STT3A: variants seen among roughly 807,000 people sequenced by gnomAD.
The protein encoded by STT3A is dolichyl-diphosphooligosaccharide--protein glycosyltransferase subunit STT3A.
STT3A carries 34 observed loss-of-function variants against 89.2 expected under a neutral mutation model. The observed-to-expected ratio is 0.38, with a 90% CI of 0.29 to 0.51. The LOEUF is 0.51. Among genes scored for constraint, STT3A ranks in the 20% least tolerant of loss-of-function variants. STT3A has a pLI of 0.89. For synonymous variants in STT3A, 282 were observed against 310.3 expected (o/e 0.91, Z 0.96); for missense variants, 555 against 889.5 (o/e 0.62, Z 4.78).
At chr11:125,592,727 G>A, upstream of STT3A, 1 of 298,290 alleles carries the variant, frequency 3.4e-6, no homozygotes, top group South Asian at 2.6e-5. Context: ...AACTTGAATC[G>A]CGGCCCGGTT....
chr11:125,604,563 TTGACTTATTCTCAATTCAACA>T (rs761633095), intron 6 of STT3A, among the ~76,000 whole-genome samples: 4 of 152,246 alleles, frequency 2.6e-5, no homozygotes, highest in Non-Finnish European at 5.9e-5. Context: ...TAATGACTGA[TTGACTTATTCTCAATTCAACA>T]TACATTTGTT....
intron 1 of STT3A, among the ~76,000 whole-genome samples, chr11:125,595,518 T>G (rs1402314954): frequency 1.3e-5 from 2 of 152,100 alleles, no homozygotes; most frequent in Non-Finnish European, 2.9e-5. Flanking sequence ...GTGCTCTCTT[T>G]CTCCATTTTA....
At chr11:125,615,364 A>C (rs958614421) in intron 15 of STT3A, among the ~76,000 whole-genome samples, 1 of 152,214 alleles carries the variant, frequency 6.6e-6, no homozygotes, top group African/African-American at 2.4e-5. Context: ...AGAAGCAATG[A>C]TTCCTGCAGC....
intron 15 of STT3A, among the ~76,000 whole-genome samples, chr11:125,615,192 G>A (rs1303605851): frequency 3.3e-5 from 5 of 152,188 alleles, no homozygotes; most frequent in East Asian, 1.9e-4. Context: ...GCTTGAACTC[G>A]GGAGGGAGAG....
rs1939895857 is a variant in STT3A, at chr11:125,608,293, G to A, written c.961+4G>A. 9 of 1,583,474 alleles carry A rather than the reference G, an allele frequency of 5.7e-6. No individual in the cohort carries two copies. Among genetic ancestry groups the A allele is most frequent in the Non-Finnish European group, 7.7e-6 (9 of 1,170,560 alleles). ...GGAGCTCTCCTCATGCTGACAGGTAGGGAAGGCTCACAGCTTTTTTCCTTT... is the reference window on the plus strand; with the variant it reads ...GGAGCTCTCCTCATGCTGACAGGTAAGGAAGGCTCACAGCTTTTTTCCTTT... On this transcript the variant is annotated splice_donor_region_variant and intron_variant, in intron 9 of 17. Coordinates refer to ENST00000392708, the MANE Select transcript of STT3A (RefSeq NM_152713.5).
At chr11:125,618,972 A>C (rs963690637) in intron 16 of STT3A, among the ~76,000 whole-genome samples, 1 of 152,072 alleles carries the variant, frequency 6.6e-6, no homozygotes, top group Non-Finnish European at 1.5e-5. Context: ...GAGCTCAAGC[A>C]ATCTTCTTGT....
chr11:125,609,623 C>G (rs760184617), intron 10 of STT3A, 34 bp downstream of exon 10: 1 of 1,576,558 alleles, frequency 6.3e-7, no homozygotes, highest in Admixed American at 2.0e-5. Context: ...TGGCCTTGTT[C>G]ATAAGAATCA....
chr11:125,612,780 ACT>A (rs778971513), intron 12 of STT3A, 33 bp downstream of exon 12: 21 of 1,607,354 alleles, frequency 1.3e-5, no homozygotes, highest in South Asian at 2.2e-5. Context: ...GACTTGGGAA[ACT>A]CTGTGTGTGT....
chr11:125,619,079 T>C (rs1186867260), intron 16 of STT3A, among the ~76,000 whole-genome samples: 1 of 152,006 alleles, frequency 6.6e-6, no homozygotes, highest in Non-Finnish European at 1.5e-5. Context: ...AGATGAAGTC[T>C]TGTTCTGTTA....
intron 3 of STT3A, among the ~76,000 whole-genome samples, chr11:125,599,476 G>A (rs12273369): frequency 0.099 from 15,109 of 152,028 alleles, 1,027 homozygotes; most frequent in African/African-American, 0.2. Context: ...CAGTGGCTCA[G>A]TTATGGCTCA....
At chr11:125,598,342 C>A (rs1331609280) in intron 3 of STT3A, among the ~76,000 whole-genome samples, 3 of 152,170 alleles carry the variant, frequency 2.0e-5, no homozygotes, top group Non-Finnish European at 4.4e-5. Flanking sequence ...ACTGTAGTCA[C>A]TGTGTTATAT....
chr11:125,604,061 T>C, intron 5 of STT3A, 96 bp from the exon 6 acceptor site: 3 of 1,287,958 alleles, frequency 2.3e-6, no homozygotes, highest in Non-Finnish European at 3.3e-6. Context: ...TGGACTGTTT[T>C]CTGGGCTCAT....
In STT3A at chr11:125,620,869, G is replaced by GT. The variant is rs1565354450; in HGVS notation, c.*59_*60insT. ...AGCACATCACATTTAGGACGTTGAAGATTTTTTTTTTTTTTTTTTTTTAAT... is the reference window on the plus strand; with the variant it reads ...AGCACATCACATTTAGGACGTTGAAGTATTTTTTTTTTTTTTTTTTTTTAAT... On this transcript the variant is annotated 3_prime_UTR_variant, in exon 18 of 18. Coordinates refer to ENST00000392708, the MANE Select transcript of STT3A (RefSeq NM_152713.5). The GT allele has an allele frequency of 6.4e-3, 5,387 of 840,514 alleles. 20 individuals are homozygous for GT. The highest frequency in any genetic ancestry group is 0.014 in the Middle Eastern group (36 of 2,566). The allele number at this position is 840,514 out of a possible 1,614,324, so 52.1% of individuals were successfully genotyped here.
chr11:125,592,325 G>A (rs1939321979), upstream of STT3A: 1 of 451,430 alleles, frequency 2.2e-6, no homozygotes, highest in Non-Finnish European at 4.5e-6. Context: ...CGAACTGTCT[G>A]GACCAGTCCG....
chr11:125,595,272 C>A (rs1939455379), intron 1 of STT3A, among the ~76,000 whole-genome samples: 1 of 151,790 alleles, frequency 6.6e-6, no homozygotes. Flanking sequence ...CCTGCCTCAG[C>A]CTCCTGAGTA....
chr11:125,604,141 C>A lies in STT3A; in HGVS notation c.418-16C>A. 6.2e-7 allele frequency: 1 copy of A among 1,613,302 alleles called. No homozygotes were observed. The highest frequency in any genetic ancestry group is 8.5e-7 in the Non-Finnish European group (1 of 1,179,446). ...TGTATTGGTGTTAATGTCTTATTAC[C>A]CTTTTTTTCTTACAGGATGCAGGGG... is the stretch of plus-strand genomic sequence containing the variant. On this transcript the variant is annotated splice_polypyrimidine_tract_variant and intron_variant, in intron 5 of 17. Transcript: ENST00000392708.
chr11:125,615,675 G>T (rs1020758624), intron 15 of STT3A, among the ~76,000 whole-genome samples: 1 of 152,186 alleles, frequency 6.6e-6, no homozygotes, highest in Non-Finnish European at 1.5e-5. Flanking sequence ...TTGAGCATTT[G>T]TGAATTTTGA....
rs764876270 is a variant in STT3A at position 125,620,840 on chromosome 11, A to G, written c.*30A>G. ...CACGTCCAGCTCTGATATGCTTCGC[A>G]CTGAGCACATCACATTTAGGACGTT... On this transcript the variant is annotated 3_prime_UTR_variant, in exon 18 of 18. Coordinates refer to ENST00000392708, the MANE Select transcript of STT3A (RefSeq NM_152713.5). 2.1e-5 allele frequency: 33 copies of G among 1,587,634 alleles called. No homozygotes were observed. The South Asian group carries it at 3.1e-4, about 15-fold the overall frequency.
intron 15 of STT3A, 21 bp from the exon 16 acceptor site, chr11:125,618,352 C>CTTTT: frequency 3.1e-6 from 4 of 1,292,754 alleles, no homozygotes; most frequent in South Asian, 1.4e-5. Flanking sequence ...TGCAGCAGTT[C>CTTTT]TTTTTTTTTT....
Sources: gnomAD v4.1 joint callset for allele counts (sites outside exome capture counted in the v4.1 genomes callset) on GRCh38, gnomAD v4.1.1 for gene constraint, MANE v1.5 for transcripts, NCBI Gene and HGNC (gene_info 2026-07-23, HGNC 2026-07-21) for gene names.